Variants in CAMK1D observed in about 807,000 individuals in gnomAD.
CAMK1D encodes calcium/calmodulin-dependent protein kinase type 1D.
CAMK1D carries 9 observed loss-of-function variants against 47.7 expected under a neutral mutation model. That is an observed-to-expected ratio of 0.19 (90% CI 0.11 to 0.33). The LOEUF (loss-of-function observed/expected upper bound fraction) is 0.33. Ranked by LOEUF, CAMK1D falls within the 10% of genes least tolerant of loss-of-function variation. CAMK1D has a pLI of 1.00. For missense variants in CAMK1D, 291 were observed against 488.7 expected (o/e 0.60, Z 3.81); for synonymous variants, 184 against 184.9 (o/e 0.99, Z 0.04).
chr10:12,511,437 C>CAA (rs920663990), intron 1 of CAMK1D, among the ~76,000 whole-genome samples: 1 of 150,708 alleles, frequency 6.6e-6, no homozygotes, highest in African/African-American at 2.4e-5. Flanking sequence ...CCTGTCTCTA[C>CAA]AAAAAAAAAT....
At chr10:12,784,835 C>T (rs150013580) in intron 5 of CAMK1D, among the ~76,000 whole-genome samples, 74 of 152,234 alleles carry the variant, frequency 4.9e-4, no homozygotes, top group East Asian at 4.8e-3. Context: ...TGGTGTGTGG[C>T]GACTAGGTTG....
chr10:12,726,129 AC>A (rs1344080871), intron 3 of CAMK1D, among the ~76,000 whole-genome samples: 6 of 152,116 alleles, frequency 3.9e-5, no homozygotes, highest in African/African-American at 1.2e-4. Flanking sequence ...TGGTAATGTT[AC>A]AAAGGGAATA....
chr10:12,615,567 G>T (rs915245876), intron 2 of CAMK1D, among the ~76,000 whole-genome samples: 1 of 28,128 alleles, frequency 3.6e-5, no homozygotes, highest in Non-Finnish European at 9.6e-5. Context: ...TGTGTATATC[G>T]TGTGTGTGCG....
rs530050682 is a variant in CAMK1D, at chr10:12,541,603, C to T, written c.93-11622C>T. Among the ~76,000 whole-genome samples, 256 of 152,230 alleles carry T rather than the reference C, an allele frequency of 1.7e-3. 1 individual carries two copies. The highest frequency in any genetic ancestry group is 1.8e-3 in the Non-Finnish European group (125 of 68,002). ...CTCGAACTCCTGAGCTTGTGATTCACCCGCCTTGGCCCCCCAAAAGTGCTG... is the reference window on the plus strand; with the variant it reads ...CTCGAACTCCTGAGCTTGTGATTCATCCGCCTTGGCCCCCCAAAAGTGCTG... On this transcript the variant is annotated intron_variant, in intron 1 of 10. Transcript: ENST00000619168.
intron 2 of CAMK1D, among the ~76,000 whole-genome samples, chr10:12,615,771 T>C (rs553801680): frequency 6.6e-6 from 1 of 150,840 alleles, no homozygotes. Flanking sequence ...TAGGTGTGTG[T>C]AAGTGCATGT....
At chr10:12,430,296 C>G (rs573852361) in intron 1 of CAMK1D, among the ~76,000 whole-genome samples, 6 of 152,120 alleles carry the variant, frequency 3.9e-5, no homozygotes, top group Non-Finnish European at 8.8e-5. Context: ...CAAATGAACA[C>G]GATCCGCTCT....
At chr10:12,639,416 C>T (rs1839605603) in intron 2 of CAMK1D, among the ~76,000 whole-genome samples, 1 of 152,150 alleles carries the variant, frequency 6.6e-6, no homozygotes, top group Admixed American at 6.6e-5. Context: ...ACCCGCGAGG[C>T]GGAGGTTGCA....
chr10:12,500,125 G>A (rs1588558326), intron 1 of CAMK1D, among the ~76,000 whole-genome samples: 1 of 152,204 alleles, frequency 6.6e-6, no homozygotes, highest in East Asian at 1.9e-4. Flanking sequence ...AATTAGCTGG[G>A]CGTAGTGGAG....
intron 1 of CAMK1D, among the ~76,000 whole-genome samples, chr10:12,444,326 G>A (rs1247528557): frequency 6.6e-6 from 1 of 152,016 alleles, no homozygotes; most frequent in Admixed American, 6.6e-5. Flanking sequence ...CTGACAGTCA[G>A]GCATAAGAAC....
intron 1 of CAMK1D, among the ~76,000 whole-genome samples, chr10:12,541,890 T>TTCCTTCCTTC (rs1564401173): frequency 3.0e-5 from 1 of 33,298 alleles, no homozygotes; most frequent in Non-Finnish European, 8.1e-5. Flanking sequence ...TTCCTTCCTT[T>TTCCTTCCTTC]TTTTTTTTCA....
intron 2 of CAMK1D, among the ~76,000 whole-genome samples, chr10:12,653,595 C>T (rs1199628593): frequency 6.6e-6 from 1 of 152,186 alleles, no homozygotes. Flanking sequence ...AATTCTGCAC[C>T]ATCATCTCTG....
intron 2 of CAMK1D, among the ~76,000 whole-genome samples, chr10:12,564,153 C>CTCTCTGTCTG (rs1564414928): frequency 4.7e-5 from 4 of 85,824 alleles, no homozygotes; most frequent in Non-Finnish European, 7.1e-5. Flanking sequence ...CTCTGTCTCT[C>CTCTCTGTCTG]TCTCTCTCTC....
At chr10:12,634,140 G>C (rs1839452186) in intron 2 of CAMK1D, among the ~76,000 whole-genome samples, 1 of 152,152 alleles carries the variant, frequency 6.6e-6, no homozygotes, top group African/African-American at 2.4e-5. Context: ...GTCTCTTGAA[G>C]AGTGACTTTC....
intron 1 of CAMK1D, among the ~76,000 whole-genome samples, chr10:12,533,615 C>G (rs1835876090): frequency 6.6e-6 from 1 of 152,078 alleles, no homozygotes; most frequent in African/African-American, 2.4e-5. Context: ...CATGATCCAC[C>G]CTGCCTCCCT....
At chr10:12,745,555 G>GTTT (rs1255586300) in intron 3 of CAMK1D, among the ~76,000 whole-genome samples, 1 of 150,904 alleles carries the variant, frequency 6.6e-6, no homozygotes. Context: ...ATGGATTTTT[G>GTTT]TTTTAGTTTT....
intron 1 of CAMK1D, among the ~76,000 whole-genome samples, chr10:12,551,553 G>A (rs1253057713): frequency 5.3e-5 from 8 of 152,078 alleles, no homozygotes; most frequent in African/African-American, 1.7e-4. Flanking sequence ...TCAGGACTTC[G>A]AGACCAGCCT....
chr10:12,511,727 C>T (rs1284692692), intron 1 of CAMK1D, among the ~76,000 whole-genome samples: 1 of 152,238 alleles, frequency 6.6e-6, no homozygotes, highest in African/African-American at 2.4e-5. Context: ...AAATCAGTCC[C>T]TTGGGTGATT....
chr10:12,521,606 A>AT (rs1835417790), intron 1 of CAMK1D, among the ~76,000 whole-genome samples: 1 of 152,304 alleles, frequency 6.6e-6, no homozygotes, highest in African/African-American at 2.4e-5. Flanking sequence ...AGGTAAAAAC[A>AT]TTTAATAGTA....
At position 12,551,869 on chromosome 10, in the gene CAMK1D, T is replaced by C. The variant is rs561097960; in HGVS notation, c.93-1356T>C. Among the ~76,000 whole-genome samples, 4 of 152,304 alleles carry C rather than the reference T, an allele frequency of 2.6e-5. No individual in the cohort carries two copies. The South Asian group carries it at 6.2e-4, about 24-fold the overall frequency. On this transcript the variant is annotated intron_variant, in intron 1 of 10. Coordinates refer to ENST00000619168, the MANE Select transcript of CAMK1D (RefSeq NM_153498.4). ...CTGATGCCAAAAAGGTTGGGGACCA[T>C]TGGACTGAAGAAGGTAGGGCCTGAA... is the stretch of plus-strand genomic sequence containing the variant.
Sources: gnomAD v4.1 joint callset for allele counts (sites outside exome capture counted in the v4.1 genomes callset) on GRCh38, gnomAD v4.1.1 for gene constraint, MANE v1.5 for transcripts, NCBI Gene and HGNC (gene_info 2026-07-23, HGNC 2026-07-21) for gene names.